Variants in DOCK8 observed in about 807,000 individuals in gnomAD.
DOCK8 encodes dedicator of cytokinesis 8, also known as dedicator of cytokinesis protein 8.
In DOCK8, 141 loss-of-function variants were observed where a neutral mutation model predicts 245.6. That is an observed-to-expected ratio of 0.57 (90% CI 0.50 to 0.66). The LOEUF (loss-of-function observed/expected upper bound fraction) is 0.66. DOCK8 is among the 30% of genes least tolerant of loss of function. The pLI is 0.00. For synonymous variants in DOCK8, 1,168 were observed against 970.2 expected (o/e 1.20, Z -3.79); for missense variants, 2,965 against 2,603.4 (o/e 1.14, Z -3.02).
At position 340,503 on chromosome 9, in the gene DOCK8, C is replaced by A. The variant is rs113933849; in HGVS notation, c.1679+182C>A. ...GGGCATGGTGGTGCATGCTTGTAAT[C>A]CCAGCAACTTGGCAGGCTGAGGCAG... is the stretch of plus-strand genomic sequence containing the variant. On this transcript the variant is annotated intron_variant, in intron 14 of 47. Coordinates refer to ENST00000432829, the MANE Select transcript of DOCK8 (RefSeq NM_203447.4). The A allele has an allele frequency of 1.1e-5, 8 of 713,922 alleles. No homozygotes were observed. In the East Asian group the frequency reaches 2.6e-4, roughly 23 times the overall value. 44.2% of individuals were successfully genotyped at this position (713,922 alleles called of 1,614,324 possible). A position where few individuals can be genotyped will look rare whatever the true frequency, so the allele number is the denominator to read the frequency against.
At chr9:345,834 A>G (rs924791670) in intron 14 of DOCK8, among the ~76,000 whole-genome samples, 2 of 152,002 alleles carry the variant, frequency 1.3e-5, no homozygotes, top group East Asian at 1.9e-4. Context: ...ACCTTATTCA[A>G]GTTTCTTTAA....
intron 1 of DOCK8, among the ~76,000 whole-genome samples, chr9:262,063 A>G (rs1383108455): frequency 6.7e-6 from 1 of 149,226 alleles, no homozygotes; most frequent in Non-Finnish European, 1.5e-5. Flanking sequence ...TGTTACAAAC[A>G]TGTATATGTA....
intron 1 of DOCK8, among the ~76,000 whole-genome samples, chr9:253,761 A>G (rs930033352): frequency 6.6e-6 from 1 of 152,188 alleles, no homozygotes; most frequent in Non-Finnish European, 1.5e-5. Context: ...TCATTTAAGA[A>G]ACAGGTTTTA....
intron 23 of DOCK8, among the ~76,000 whole-genome samples, chr9:389,616 G>A (rs1196673042): frequency 2.0e-5 from 3 of 151,952 alleles, no homozygotes; most frequent in East Asian, 3.9e-4. Flanking sequence ...AGCAGCAGCA[G>A]CAGCACCCAG....
At chr9:212,440 G>C (rs985211274), upstream of DOCK8, among the ~76,000 whole-genome samples, 30 of 152,166 alleles carry the variant, frequency 2.0e-4, no homozygotes, top group Admixed American at 1.9e-3. Context: ...GAAAGAAGGA[G>C]GCCTCCCAGA....
At chr9:352,320 G>A (rs953398089) in intron 14 of DOCK8, among the ~76,000 whole-genome samples, 1 of 152,098 alleles carries the variant, frequency 6.6e-6, no homozygotes, top group Non-Finnish European at 1.5e-5. Context: ...ATGCTCTTGG[G>A]GTGGAACAAA....
intron 13 of DOCK8, among the ~76,000 whole-genome samples, chr9:339,454 C>T (rs965816737): frequency 5.9e-5 from 9 of 152,124 alleles, no homozygotes; most frequent in Non-Finnish European, 1.3e-4. Flanking sequence ...TCTTCCTTAT[C>T]CTCACTCGGC....
rs774372619 is a variant in DOCK8 at position 464,206 on chromosome 9, C to G, written c.6287C>G (p.Ser2096Ter). The G allele has an allele frequency of 1.7e-5, 28 of 1,613,826 alleles. No individual in the cohort carries two copies. Among genetic ancestry groups the G allele is most frequent in the South Asian group, 1.5e-4 (14 of 91,082 alleles). The change falls in exon 48 of 48, where the codon TCA becomes TGA. Residue 2096 changes from serine (S) to a stop codon, truncating the protein, a stop_gained. Coordinates refer to ENST00000432829, the MANE Select transcript of DOCK8 (RefSeq NM_203447.4). LOFTEE classifies it high-confidence loss of function. Reference sequence around the variant, plus strand: ...TTCAGGAAATGTGAAACCCAGTTGTCACAGGGCAGCTAAGAAAAGCCATCT... The same window carrying G: ...TTCAGGAAATGTGAAACCCAGTTGTGACAGGGCAGCTAAGAAAAGCCATCT... ...SSFRKCETQLSQGS is the reference protein window; with the variant it reads ...SSFRKCETQL
chr9:429,317 T>G (rs1216971978), intron 35 of DOCK8, among the ~76,000 whole-genome samples: 1 of 152,182 alleles, frequency 6.6e-6, no homozygotes, highest in Admixed American at 6.5e-5. Flanking sequence ...CATGGGGTCT[T>G]TTAAATTTAA....
intron 26 of DOCK8, among the ~76,000 whole-genome samples, chr9:400,253 TCACCAC>T (rs1302962547): frequency 1.1e-4 from 2 of 18,996 alleles, no homozygotes; most frequent in African/African-American, 6.9e-4. Context: ...ACCTCCACCA[TCACCAC>T]CACCTCCACC....
In DOCK8 at chr9:398,630, G is replaced by A. The variant is rs565569649; in HGVS notation, c.3121-516G>A. 3.3e-5 allele frequency among the ~76,000 whole-genome samples: 5 copies of A among 152,270 alleles called. No individual in the cohort carries two copies. The South Asian group carries it at 1.0e-3, about 32-fold the overall frequency. The stretch of plus-strand genomic sequence containing the variant: ...CTACGGAGTGAATACACCCTGCGGA[G>A]TATGACTCTGACCTCTCTTAGGCTG... On this transcript the variant is annotated intron_variant, in intron 25 of 47. Coordinates refer to ENST00000432829, the MANE Select transcript of DOCK8 (RefSeq NM_203447.4).
At chr9:327,562 A>G (rs899360431) in intron 8 of DOCK8, among the ~76,000 whole-genome samples, 4 of 151,848 alleles carry the variant, frequency 2.6e-5, no homozygotes, top group African/African-American at 9.7e-5. Context: ...CATGCTGGCT[A>G]GTTTTTGTAT....
rs59529982 is a variant in DOCK8 at position 216,537 on chromosome 9, C to CAAAAAAAAAAAAA, written c.53+1514_53+1526dup. Among the ~76,000 whole-genome samples the CAAAAAAAAAAAAA allele has an allele frequency of 1.1e-3, 99 of 88,868 alleles. 1 individual carries two copies. The highest frequency in any genetic ancestry group is 1.4e-3 in the Non-Finnish European group (68 of 47,622). 58.3% of individuals were successfully genotyped at this position (88,868 alleles called of 152,430 possible). ...GTGAAACCTTGTCTCAAAAAACAGA[C>CAAAAAAAAAAAAA]AAAAAAAAAAAAAAAAAAGCAAAAA... On this transcript the variant is annotated intron_variant, in intron 1 of 47. Transcript: ENST00000432829.
chr9:319,357 CG>C (rs2050485407), intron 7 of DOCK8, among the ~76,000 whole-genome samples: 1 of 152,122 alleles, frequency 6.6e-6, no homozygotes, highest in South Asian at 2.1e-4. Flanking sequence ...GTGATGTCCC[CG>C]CAACTGCCAA....
At chr9:344,919 G>A (rs999807837) in intron 14 of DOCK8, among the ~76,000 whole-genome samples, 3 of 152,158 alleles carry the variant, frequency 2.0e-5, no homozygotes, top group Non-Finnish European at 2.9e-5. Context: ...GGGCGTGGTG[G>A]TGGGTGCCTG....
At chr9:368,198 A>T (rs767965670) in intron 15 of DOCK8, 63 bp downstream of exon 15, 5 of 1,347,616 alleles carry the variant, frequency 3.7e-6, no homozygotes, top group East Asian at 2.3e-5. Flanking sequence ...GTCACTTCAC[A>T]CAAGTCCGGG....
chr9:274,231 A>G (rs1361626394), intron 2 of DOCK8, among the ~76,000 whole-genome samples: 1 of 152,084 alleles, frequency 6.6e-6, no homozygotes, highest in Admixed American at 6.5e-5. Context: ...ATATCAAGAA[A>G]CCAGCAACAA....
chr9:376,126 T>G, intron 18 of DOCK8, 84 bp from the exon 19 acceptor site: 1 of 940,812 alleles, frequency 1.1e-6, no homozygotes, highest in Non-Finnish European at 1.8e-6. Flanking sequence ...CCCTGACATT[T>G]CCAGTCAAGT....
intron 26 of DOCK8, among the ~76,000 whole-genome samples, chr9:403,217 A>G (rs934330767): frequency 1.3e-5 from 2 of 152,200 alleles, no homozygotes; most frequent in African/African-American, 4.8e-5. Flanking sequence ...TGATGTCTCA[A>G]GGGACCTATG....
Sources: gnomAD v4.1 joint callset for allele counts (sites outside exome capture counted in the v4.1 genomes callset) on GRCh38, gnomAD v4.1.1 for gene constraint, MANE v1.5 for transcripts, NCBI Gene and HGNC (gene_info 2026-07-23, HGNC 2026-07-21) for gene names.